Variants in LRIG1 observed in about 807,000 individuals in gnomAD.
The protein encoded by LRIG1 is leucine rich repeats and immunoglobulin like domains 1, also known as leucine-rich repeats and immunoglobulin-like domains protein 1.
LRIG1 carries 48 observed loss-of-function variants against 99.2 expected under a neutral mutation model. The observed-to-expected ratio is 0.48, with a 90% CI of 0.38 to 0.62. The LOEUF is 0.62. LRIG1 is among the 20% of genes least tolerant of loss of function. The pLI is 0.00. For missense variants in LRIG1, 1,646 were observed against 1,434.4 expected (o/e 1.15, Z -2.38); for synonymous variants, 772 against 596.1 (o/e 1.29, Z -4.30).
chr3:66,398,481 T>G (rs1429948214), intron 10 of LRIG1, among the ~76,000 whole-genome samples: 2 of 152,152 alleles, frequency 1.3e-5, no homozygotes, highest in Non-Finnish European at 2.9e-5. Flanking sequence ...ATCACATACA[T>G]GAGGCATCCT....
chr3:66,442,674 C>T (rs973800187), intron 3 of LRIG1, among the ~76,000 whole-genome samples: 1 of 152,050 alleles, frequency 6.6e-6, no homozygotes, highest in Admixed American at 6.6e-5. Context: ...GGGGAGCAAC[C>T]CGGGTCCCCA....
At chr3:66,441,975 C>G (rs888611852) in intron 3 of LRIG1, among the ~76,000 whole-genome samples, 3 of 152,116 alleles carry the variant, frequency 2.0e-5, no homozygotes, top group Non-Finnish European at 4.4e-5. Context: ...AAGACAGGTC[C>G]CGGGAAGTCC....
chr3:66,419,112 C>T (rs576434954), intron 3 of LRIG1, among the ~76,000 whole-genome samples: 6 of 152,168 alleles, frequency 3.9e-5, no homozygotes, highest in South Asian at 2.1e-4. Flanking sequence ...GGTATCAGGG[C>T]GCCAGGAAAA....
intron 3 of LRIG1, among the ~76,000 whole-genome samples, chr3:66,429,536 G>A (rs566583596): frequency 2.2e-4 from 33 of 152,312 alleles, no homozygotes; most frequent in African/African-American, 7.7e-4. Context: ...TATGGAGACA[G>A]TAACAATATT....
intron 1 of LRIG1, among the ~76,000 whole-genome samples, chr3:66,496,681 GTT>G (rs996501457): frequency 6.6e-6 from 1 of 152,094 alleles, no homozygotes; most frequent in Admixed American, 6.5e-5. Context: ...AGTCTGTTGA[GTT>G]TAAGTGATAT....
At chr3:66,491,392 A>G (rs765181749) in intron 1 of LRIG1, among the ~76,000 whole-genome samples, 24 of 152,236 alleles carry the variant, frequency 1.6e-4, no homozygotes, top group Non-Finnish European at 2.6e-4. Flanking sequence ...ATGTGGAGAA[A>G]GTGGAAGGTT....
intron 3 of LRIG1, among the ~76,000 whole-genome samples, chr3:66,417,974 A>G (rs933452151): frequency 1.3e-5 from 2 of 152,170 alleles, no homozygotes; most frequent in Non-Finnish European, 2.9e-5. Context: ...CTTCAGGGAT[A>G]GGGACGATCC....
intron 3 of LRIG1, among the ~76,000 whole-genome samples, chr3:66,435,237 A>G (rs1019656430): frequency 6.6e-6 from 1 of 152,142 alleles, no homozygotes; most frequent in African/African-American, 2.4e-5. Flanking sequence ...AAATGAAAAA[A>G]CTACAAATTT....
At chr3:66,488,185 G>A (rs1352002450) in intron 1 of LRIG1, among the ~76,000 whole-genome samples, 1 of 152,054 alleles carries the variant, frequency 6.6e-6, no homozygotes, top group African/African-American at 2.4e-5. Flanking sequence ...GATTCTCCAT[G>A]AAAAGTATTT....
chr3:66,407,618 T>TTC, intron 7 of LRIG1, 127 bp from the exon 8 acceptor site: 1 of 867,398 alleles, frequency 1.2e-6, no homozygotes, highest in Non-Finnish European at 1.8e-6. Flanking sequence ...CGCACGCGCG[T>TTC]GCGTGCACAC....
In LRIG1 at chr3:66,380,093, C is replaced by G. The variant is rs914870111; in HGVS notation, c.*170G>C. 3 of 561,890 alleles carry G rather than the reference C, an allele frequency of 5.3e-6. No individual in the cohort carries two copies. The highest frequency in any genetic ancestry group is 9.3e-6 in the Non-Finnish European group (3 of 322,354). 34.8% of individuals were successfully genotyped at this position (561,890 alleles called of 1,614,324 possible). On this transcript the variant is annotated 3_prime_UTR_variant, in exon 19 of 19. Coordinates refer to ENST00000273261, the MANE Select transcript of LRIG1 (RefSeq NM_015541.3). ...TTTTTTGCCTTTTGTACACAAATCC[C>G]CTCTTGCGTTTACTGTGCTTCAGAT...
At chr3:66,425,771 G>C (rs1480456791) in intron 3 of LRIG1, among the ~76,000 whole-genome samples, 1 of 152,186 alleles carries the variant, frequency 6.6e-6, no homozygotes, top group Non-Finnish European at 1.5e-5. Context: ...TTACCCCTTG[G>C]GCTGCCCTCT....
At position 66,412,883 on chromosome 3, in the gene LRIG1, T is replaced by C; in HGVS notation, c.779A>G (p.Lys260Arg). The change falls in exon 6 of 19, where the codon AAG becomes AGG. Residue 260 changes from lysine to arginine, a missense_variant. By Grantham distance (26) the Lys-to-Arg change is conservative (BLOSUM62 2). Coordinates refer to ENST00000273261, the MANE Select transcript of LRIG1 (RefSeq NM_015541.3). ...LTDGAFWGLS[K>R]MHVLHLEYNS... ...GGTCCGCACTTACAGCACATGCATC[T>C]TGGACAGTCCCCAGAAGGCCCCATC... is the stretch of plus-strand genomic sequence containing the variant. 1 of 1,614,164 alleles carries C rather than the reference T, an allele frequency of 6.2e-7. No homozygotes were observed. Among genetic ancestry groups the C allele is most frequent in the Non-Finnish European group, 8.5e-7 (1 of 1,180,000 alleles).
intron 3 of LRIG1, among the ~76,000 whole-genome samples, chr3:66,421,463 C>T (rs1419723429): frequency 6.6e-6 from 1 of 152,174 alleles, no homozygotes; most frequent in Non-Finnish European, 1.5e-5. Context: ...AGGCTCCATG[C>T]AAGTCCAAAA....
At chr3:66,461,817 G>C (rs533529453) in intron 2 of LRIG1, among the ~76,000 whole-genome samples, 2 of 152,332 alleles carry the variant, frequency 1.3e-5, no homozygotes, top group African/African-American at 4.8e-5. Context: ...TGATTTCCAA[G>C]ACACTGCAAG....
In LRIG1 at chr3:66,381,611, T is replaced by C; in HGVS notation, c.2638A>G (p.Ser880Gly). The C allele has an allele frequency of 6.2e-7, 1 of 1,614,004 alleles. No homozygotes were observed. Among genetic ancestry groups the C allele is most frequent in the Non-Finnish European group, 8.5e-7 (1 of 1,179,854 alleles). ...TGAGTGTCGGGCTCTGGAAAGTGGC[T>C]TGCATCTCTTGGACACACACCTGCA... ...ESNGVCPRDA[S>G]HFPEPDTHSV... Residue 880 changes from serine (S) to glycine (G), a missense_variant, in exon 17 of 19, where the codon AGC (serine) becomes GGC (glycine). Coordinates refer to ENST00000273261, the MANE Select transcript of LRIG1 (RefSeq NM_015541.3).
At chr3:66,425,727 T>C (rs1222717261) in intron 3 of LRIG1, among the ~76,000 whole-genome samples, 3 of 152,182 alleles carry the variant, frequency 2.0e-5, no homozygotes, top group African/African-American at 7.2e-5. Flanking sequence ...GGTGGCCAGG[T>C]CACGTGGCAT....
intron 1 of LRIG1, among the ~76,000 whole-genome samples, chr3:66,482,684 T>C (rs1314866222): frequency 1.3e-5 from 2 of 152,348 alleles, no homozygotes; most frequent in African/African-American, 4.8e-5. Flanking sequence ...TAAACATTTA[T>C]GCATAAGGAT....
In LRIG1 at chr3:66,383,170, G is replaced by C. The variant is rs1200871828; in HGVS notation, c.2303C>G (p.Thr768Ser). 6.2e-7 allele frequency: 1 copy of C among 1,614,252 alleles called. No individual in the cohort carries two copies. The highest frequency in any genetic ancestry group is 1.7e-5 in the Admixed American group (1 of 60,032). The change falls in exon 15 of 19, where the codon ACC becomes AGC. Residue 768 changes from threonine (T) to serine (S), a missense_variant. Physicochemically the swap from Thr to Ser is moderately conservative, Grantham distance 58. Coordinates refer to ENST00000273261, the MANE Select transcript of LRIG1 (RefSeq NM_015541.3). ...GCTGTGAGCTCGCTCCGTGCCCAGG[G>C]TGTTGGACATCTCACAGGTATATCG... ...AGRYTCEMSN[T>S]LGTERAHSQL...
Sources: gnomAD v4.1 joint callset for allele counts (sites outside exome capture counted in the v4.1 genomes callset) on GRCh38, gnomAD v4.1.1 for gene constraint, MANE v1.5 for transcripts, NCBI Gene and HGNC (gene_info 2026-07-23, HGNC 2026-07-21) for gene names.